VAT1L: variants seen among roughly 807,000 people sequenced by gnomAD.
The protein encoded by VAT1L is putative NADPH-dependent quinone oxidoreductase VAT1L.
A neutral mutation model predicts 44.1 loss-of-function variants in VAT1L; 34 were observed. The ratio of observed to expected loss-of-function variants is 0.77; its 90% CI spans 0.59 to 1.03. VAT1L has a LOEUF of 1.03. Among genes scored for constraint, VAT1L ranks in the 50% least tolerant of loss-of-function variants. The probability of loss-of-function intolerance (pLI) is 0.00; values close to 1 mark genes in which losing one functional copy is unlikely to be tolerated. For missense variants in VAT1L, 615 were observed against 538.8 expected (o/e 1.14, Z -1.40); for synonymous variants, 253 against 202.2 (o/e 1.25, Z -2.13).
At chr16:77,955,719 TCC>T (rs869219858) in intron 7 of VAT1L, among the ~76,000 whole-genome samples, 9 of 73,550 alleles carry the variant, frequency 1.2e-4, no homozygotes, top group African/African-American at 4.1e-4. Flanking sequence ...AGGCTCCATA[TCC>T]CCCCCCCCAA....
intron 7 of VAT1L, among the ~76,000 whole-genome samples, chr16:77,969,934 C>T (rs539625420): frequency 2.1e-4 from 32 of 151,140 alleles, no homozygotes; most frequent in African/African-American, 7.0e-4. Flanking sequence ...AGATCAGGGC[C>T]GGGCACAGTG....
At chr16:77,800,202 G>T (rs1388083967) in intron 1 of VAT1L, 1 of 152,150 alleles carries the variant, frequency 6.6e-6, no homozygotes, top group Non-Finnish European at 1.5e-5. Flanking sequence ...AATGAATAAT[G>T]ACTTTCCCTA....
chr16:77,889,374 G>A (rs765703109), intron 7 of VAT1L, among the ~76,000 whole-genome samples: 3 of 152,172 alleles, frequency 2.0e-5, no homozygotes, highest in South Asian at 2.1e-4. Flanking sequence ...GCAGCTGTAC[G>A]TTAAGTTGGA....
chr16:77,919,002 C>T (rs989185864), intron 7 of VAT1L, among the ~76,000 whole-genome samples: 4 of 152,172 alleles, frequency 2.6e-5, no homozygotes, highest in Non-Finnish European at 4.4e-5. Flanking sequence ...TCAAGAGAGT[C>T]GTGGCTATGT....
In VAT1L at chr16:77,979,237, A is replaced by G. The variant is rs2018373797; in HGVS notation, c.*1542A>G. 1 of 152,580 alleles carries G rather than the reference A, an allele frequency of 6.6e-6. No homozygotes were observed. Among genetic ancestry groups the G allele is most frequent in the African/African-American group, 2.4e-5 (1 of 41,432 alleles). 9.5% of individuals were successfully genotyped at this position (152,580 alleles called of 1,614,324 possible). A position where few individuals can be genotyped will look rare whatever the true frequency, so the allele number is the denominator to read the frequency against. ...ATGTATGCCAAATACTTATCTGAAG[A>G]GTTTCTCCTCATTGTGAATGTGTAT... is the stretch of plus-strand genomic sequence containing the variant. On this transcript the variant is annotated 3_prime_UTR_variant, in exon 9 of 9. Transcript: ENST00000302536.
intron 7 of VAT1L, among the ~76,000 whole-genome samples, chr16:77,908,839 G>A (rs1946245214): frequency 4.0e-5 from 6 of 151,734 alleles, no homozygotes; most frequent in Admixed American, 3.3e-4. Context: ...GCGTGAACCC[G>A]GGAGGCGGAG....
At chr16:77,804,446 T>C (rs1464928793) in intron 1 of VAT1L, among the ~76,000 whole-genome samples, 3 of 152,206 alleles carry the variant, frequency 2.0e-5, no homozygotes. Flanking sequence ...CTCCTGGCTG[T>C]TTTGTTCTGT....
At chr16:77,878,038 T>C (rs2017108340) in intron 5 of VAT1L, among the ~76,000 whole-genome samples, 1 of 152,210 alleles carries the variant, frequency 6.6e-6, no homozygotes, top group African/African-American at 2.4e-5. Context: ...TTTGTCCCAG[T>C]TTCTTGATGT....
intron 7 of VAT1L, among the ~76,000 whole-genome samples, chr16:77,961,135 G>A (rs892839276): frequency 2.0e-5 from 3 of 152,126 alleles, no homozygotes; most frequent in African/African-American, 7.2e-5. Context: ...TAACCTTGAG[G>A]GAAACAGCTG....
intron 1 of VAT1L, among the ~76,000 whole-genome samples, chr16:77,813,006 G>C (rs1485838646): frequency 6.6e-6 from 1 of 152,080 alleles, no homozygotes. Context: ...ATGTTTAAGA[G>C]CTGTATAAAA....
intron 5 of VAT1L, among the ~76,000 whole-genome samples, chr16:77,876,862 T>G (rs9936869): frequency 0.5 from 75,413 of 151,882 alleles, 20,085 homozygotes; most frequent in East Asian, 0.78. Context: ...AGGATATGCA[T>G]GTTTTAAGGG....
rs533434442 is a variant in VAT1L at position 77,951,515 on chromosome 16, C to A, written c.1078-20335C>A. Among the ~76,000 whole-genome samples, 3 of 152,248 alleles carry A rather than the reference C, an allele frequency of 2.0e-5. No individual in the cohort carries two copies. In the South Asian group the frequency reaches 6.2e-4, roughly 32 times the overall value. The stretch of plus-strand genomic sequence containing the variant: ...GAGCCGAGATTGCGCCACCGCACTC[C>A]AGCCAGGGCAATGGAGTGAGACTCT... On this transcript the variant is annotated intron_variant, in intron 7 of 8. Transcript: ENST00000302536.
intron 7 of VAT1L, among the ~76,000 whole-genome samples, chr16:77,952,855 T>TTAAAAAA (rs756742520): frequency 2.2e-5 from 2 of 92,210 alleles, no homozygotes; most frequent in African/African-American, 5.6e-5. Flanking sequence ...AGACTCCATT[T>TTAAAAAA]AAAAAAAAAA....
At chr16:77,866,242 T>G (rs937903193) in intron 4 of VAT1L, among the ~76,000 whole-genome samples, 24 of 152,224 alleles carry the variant, frequency 1.6e-4, no homozygotes, top group African/African-American at 5.5e-4. Flanking sequence ...CAGAGTGAAT[T>G]ATAGCATTGT....
chr16:77,839,815 C>T (rs932882245), intron 3 of VAT1L, among the ~76,000 whole-genome samples: 3 of 152,100 alleles, frequency 2.0e-5, no homozygotes, highest in African/African-American at 7.2e-5. Flanking sequence ...AATTAAATAT[C>T]ACCCTCATTG....
intron 8 of VAT1L, among the ~76,000 whole-genome samples, chr16:77,976,663 T>TG (rs2018344044): frequency 6.6e-6 from 1 of 152,208 alleles, no homozygotes; most frequent in African/African-American, 2.4e-5. Flanking sequence ...TAGTTTGTTC[T>TG]GAGTCTCTGT....
chr16:77,795,813 C>CTTTTTTTTTTTTTT (rs56725954), intron 1 of VAT1L, among the ~76,000 whole-genome samples: 6 of 100,582 alleles, frequency 6.0e-5, no homozygotes, highest in East Asian at 3.7e-4. Flanking sequence ...CCTTTTTTCT[C>CTTTTTTTTTTTTTT]TTTTTTTTTT....
rs565580983 is a variant in VAT1L, at chr16:77,869,866, G to T, written c.723-6504G>T. 1.1e-3 allele frequency among the ~76,000 whole-genome samples: 169 copies of T among 152,294 alleles called. 1 individual carries two copies. In the Middle Eastern group the frequency reaches 0.014, roughly 12 times the overall value. On this transcript the variant is annotated intron_variant, in intron 4 of 8. Transcript: ENST00000302536. ...TTGAATCTTGCTATCTGCTTCACCCGATAGCAGTCATAGGTGAAGCCAAGG... is the reference window on the plus strand; with the variant it reads ...TTGAATCTTGCTATCTGCTTCACCCTATAGCAGTCATAGGTGAAGCCAAGG...
chr16:77,835,507 C>G (rs1382715893), intron 3 of VAT1L, among the ~76,000 whole-genome samples: 1 of 152,174 alleles, frequency 6.6e-6, no homozygotes, highest in Non-Finnish European at 1.5e-5. Context: ...TGCATGGGAT[C>G]TCAGAGCTAG....
Sources: allele counts gnomAD v4.1 joint callset (sites outside exome capture counted in the v4.1 genomes callset), GRCh38; gene constraint gnomAD v4.1.1; transcripts MANE v1.5; gene names NCBI Gene and HGNC (gene_info 2026-07-23, HGNC 2026-07-21).